Variants in TRIM5 observed in about 807,000 individuals in gnomAD.
TRIM5 encodes the protein tripartite motif-containing protein 5.
TRIM5 carries 31 observed loss-of-function variants against 35.6 expected under a neutral mutation model. The observed-to-expected ratio is 0.87, with a 90% CI of 0.65 to 1.18. The LOEUF is 1.18. Ranked by LOEUF, TRIM5 falls within the 50% of genes most tolerant of loss-of-function variation. The pLI is 0.00. For missense variants in TRIM5, 609 were observed against 591.6 expected (o/e 1.03, Z -0.31); for synonymous variants, 243 against 215.6 (o/e 1.13, Z -1.11).
chr11:5,610,754 T>C, the TRIM5 span: 10 of 1,611,072 alleles, frequency 6.2e-6, no homozygotes, highest in East Asian at 2.2e-5. Flanking sequence ...TCTCATCTGC[T>C]GATGTTGTAC....
the TRIM5 span, among the ~76,000 whole-genome samples, chr11:5,637,101 A>G: frequency 6.6e-6 from 1 of 152,134 alleles, no homozygotes; most frequent in Non-Finnish European, 1.5e-5. Flanking sequence ...TGAACCCAGG[A>G]GGCGGAGCTT....
chr11:5,652,020 AG>A, the TRIM5 span, among the ~76,000 whole-genome samples: 1 of 152,110 alleles, frequency 6.6e-6, no homozygotes, highest in East Asian at 1.9e-4. Context: ...AATTTATTGA[AG>A]TTACTTATAG....
At chr11:5,590,182 C>T in the TRIM5 span, 3 of 158,674 alleles carry the variant, frequency 1.9e-5, no homozygotes, top group Non-Finnish European at 2.8e-5. Context: ...GGCTCCTGTG[C>T]GGCTGGAGCC....
At chr11:5,667,735 A>G (rs1377653437) in intron 4 of TRIM5, 24 bp from the exon 5 acceptor site, 2 of 1,612,472 alleles carry the variant, frequency 1.2e-6, no homozygotes, top group Non-Finnish European at 1.7e-6. Context: ...AGAAAACATC[A>G]ATTAAGAAAG....
rs777611766 is a variant in TRIM5 at position 5,665,286 on chromosome 11, T to A, written c.1005A>T (p.Arg335Ser). ...PQIIYGARGT[R>S]YQTFVNFNYC... Reference sequence around the variant, plus strand: ...AATTGAAATTCACAAATGTCTGGTATCTTGTCCCTCGTGCCCCATATATTA... The same window carrying A: ...AATTGAAATTCACAAATGTCTGGTAACTTGTCCCTCGTGCCCCATATATTA... Residue 335 changes from arginine (R) to serine (S), a missense_variant, in exon 8 of 8, where the codon AGA (arginine) becomes AGT (serine). By Grantham distance (110) the Arg-to-Ser change is moderately radical. Transcript: ENST00000380034. 13 of 1,614,196 alleles carry A rather than the reference T, an allele frequency of 8.1e-6. 1 individual carries two copies. In the South Asian group the frequency reaches 1.2e-4, roughly 15 times the overall value.
chr11:5,659,554 T>G (rs545586876), downstream of TRIM5, among the ~76,000 whole-genome samples: 4 of 152,344 alleles, frequency 2.6e-5, no homozygotes, highest in South Asian at 8.3e-4. Context: ...CACTGTATAT[T>G]CAAAGCTGTA....
the TRIM5 span, chr11:5,634,614 C>G: frequency 3.1e-6 from 5 of 1,604,892 alleles, no homozygotes; most frequent in Non-Finnish European, 4.3e-6. Flanking sequence ...ACAACTCTCT[C>G]TTGTCCATCC....
chr11:5,641,614 G>C, the TRIM5 span, among the ~76,000 whole-genome samples: 1 of 152,144 alleles, frequency 6.6e-6, no homozygotes. Context: ...CTTAGAAATA[G>C]AAGGTACCGG....
At position 5,679,098 on chromosome 11, in the gene TRIM5, G is replaced by T; in HGVS notation, c.489C>A (p.Ile163=). 1 of 1,613,990 alleles carries T rather than the reference G, an allele frequency of 6.2e-7. No individual in the cohort carries two copies. Among genetic ancestry groups the T allele is most frequent in the African/African-American group, 1.3e-5 (1 of 75,040 alleles). Residue 163 remains isoleucine (I), a synonymous_variant, in exon 3 of 8, where the codon ATC becomes ATA. Coordinates refer to ENST00000380034, the MANE Select transcript of TRIM5 (RefSeq NM_033034.3). ...QQEAEELEAD[I]REEKASWKTQ... is the part of the protein sequence containing the mutation. ...CCTTCCAGGAAGCTTTCTCTTCTCT[G>T]ATGTCAGCTTCTAACTCTTCAGCTT...
chr11:5,665,259 A>G lies in TRIM5; in HGVS notation c.1032T>C (p.Tyr344=). 6.2e-7 allele frequency: 1 copy of G among 1,614,214 alleles called. No homozygotes were observed. The highest frequency in any genetic ancestry group is 8.5e-7 in the Non-Finnish European group (1 of 1,180,040). Residue 344 remains tyrosine (Y), a synonymous_variant, in exon 8 of 8, where the codon TAT becomes TAC. Coordinates refer to ENST00000380034, the MANE Select transcript of TRIM5 (RefSeq NM_033034.3). The part of the protein sequence containing the change: ...TRYQTFVNFN[Y]CTGILGSQSI... Reference sequence around the variant, plus strand: ...TTTGAGAGCCCAGGATGCCAGTACAATAATTGAAATTCACAAATGTCTGGT... The same window carrying G: ...TTTGAGAGCCCAGGATGCCAGTACAGTAATTGAAATTCACAAATGTCTGGT...
the TRIM5 span, chr11:5,590,335 G>A: frequency 0.049 from 7,517 of 154,322 alleles, 235 homozygotes; most frequent in Middle Eastern, 0.071. Flanking sequence ...GAAGCCAGCT[G>A]GGCTCCTAAG....
the TRIM5 span, chr11:5,603,523 A>G: frequency 1.2e-6 from 2 of 1,613,950 alleles, no homozygotes; most frequent in African/African-American, 2.7e-5. Context: ...CCTGCGGCCT[A>G]ATCGGCATCT....
the TRIM5 span, chr11:5,603,742 C>T: frequency 6.2e-7 from 1 of 1,611,982 alleles, no homozygotes. Flanking sequence ...CCAGGTGAGA[C>T]CCCAGGATGG....
chr11:5,603,142 T>C, the TRIM5 span: 33 of 1,507,430 alleles, frequency 2.2e-5, no homozygotes, highest in Non-Finnish European at 2.9e-5. Flanking sequence ...AAGCCCTTGT[T>C]ACCCCAGGTG....
At chr11:5,630,670 A>G in the TRIM5 span, among the ~76,000 whole-genome samples, 8 of 152,140 alleles carry the variant, frequency 5.3e-5, no homozygotes, top group Admixed American at 5.2e-4. Context: ...TTAAACTCTT[A>G]CTTATCCAAG....
At chr11:5,641,559 C>CGTGTATGTG in the TRIM5 span, among the ~76,000 whole-genome samples, 1 of 152,070 alleles carries the variant, frequency 6.6e-6, no homozygotes, top group Admixed American at 6.6e-5. Flanking sequence ...TTGTCAAATC[C>CGTGTATGTG]TAAAATAGGG....
chr11:5,627,958 G>C, the TRIM5 span, among the ~76,000 whole-genome samples: 1 of 152,198 alleles, frequency 6.6e-6, no homozygotes, highest in Admixed American at 6.5e-5. Context: ...GTTAGGAGAA[G>C]ACTCAAATGA....
At chr11:5,610,933 G>A in the TRIM5 span, 2 of 1,614,160 alleles carry the variant, frequency 1.2e-6, no homozygotes, top group Non-Finnish European at 8.5e-7. Context: ...TTCTCCTCTG[G>A]TAAGCATTAC....
chr11:5,634,653 A>C, the TRIM5 span: 10 of 1,613,536 alleles, frequency 6.2e-6, no homozygotes, highest in African/African-American at 1.3e-4. Flanking sequence ...ACTGAGAGAC[A>C]AAGGATACAA....
Sources: gnomAD v4.1 joint callset for allele counts (sites outside exome capture counted in the v4.1 genomes callset) on GRCh38, gnomAD v4.1.1 for gene constraint, MANE v1.5 for transcripts, NCBI Gene and HGNC (gene_info 2026-07-23, HGNC 2026-07-21) for gene names.